PTCHD4: variants seen among roughly 807,000 people sequenced by gnomAD.
PTCHD4 encodes patched domain containing 4, also known as patched domain-containing protein 4.
Under a neutral mutation model 58.1 loss-of-function variants are expected in PTCHD4, and 33 were observed. That is an observed-to-expected ratio of 0.57 (90% CI 0.43 to 0.76). PTCHD4 has a LOEUF of 0.76. Ranked by LOEUF, PTCHD4 falls within the 30% of genes least tolerant of loss-of-function variation. PTCHD4 has a pLI of 0.00. For missense variants in PTCHD4, 1,058 were observed against 1,027.1 expected, an observed-to-expected ratio of 1.03 and a Z score of -0.41; for synonymous variants, 478 against 409.6, an observed-to-expected ratio of 1.17 and a Z score of -2.02.
intron 4 of PTCHD4, among the ~76,000 whole-genome samples, chr6:47,975,702 T>A (rs780184828): frequency 3.0e-4 from 46 of 152,196 alleles, no homozygotes; most frequent in Non-Finnish European, 1.9e-4. Flanking sequence ...CTTTAGTAAA[T>A]CTAGTAATAT....
chr6:48,080,318 C>T (rs1246876957), intron 1 of PTCHD4, among the ~76,000 whole-genome samples: 1 of 152,166 alleles, frequency 6.6e-6, no homozygotes, highest in African/African-American at 2.4e-5. Flanking sequence ...TCACATGCCA[C>T]ATATACTGAC....
At chr6:48,088,922 G>A (rs947163181) in intron 1 of PTCHD4, among the ~76,000 whole-genome samples, 1 of 152,120 alleles carries the variant, frequency 6.6e-6, no homozygotes, top group African/African-American at 2.4e-5. Flanking sequence ...GCGGGCGCCT[G>A]TAATGCAGGT....
chr6:48,042,527 A>G (rs1231983005), intron 3 of PTCHD4, among the ~76,000 whole-genome samples: 1 of 151,956 alleles, frequency 6.6e-6, no homozygotes, highest in Non-Finnish European at 1.5e-5. Context: ...CCTGCTCCCA[A>G]TAAAATAAGT....
In PTCHD4 at chr6:47,862,137, C is replaced by T. The variant is rs1015074093; in HGVS notation, c.*16166G>A. 6.6e-6 allele frequency among the ~76,000 whole-genome samples: 1 copy of T among 151,748 alleles called. No individual in the cohort carries two copies. Among genetic ancestry groups the T allele is most frequent in the African/African-American group, 2.4e-5 (1 of 41,372 alleles). ...TGTGTAACTCTGATTGGAGTTTCAG[C>T]ACTTCTTTATTGTATAGGTATGACC... On this transcript the variant is annotated 3_prime_UTR_variant, in exon 5 of 5. Transcript: ENST00000339488.
intron 3 of PTCHD4, among the ~76,000 whole-genome samples, chr6:48,028,049 C>G (rs1025307802): frequency 6.6e-6 from 1 of 152,026 alleles, no homozygotes; most frequent in South Asian, 2.1e-4. Context: ...TCAAGTGATT[C>G]TCGTGCCTCA....
At chr6:48,044,244 C>T (rs1190965225) in intron 3 of PTCHD4, among the ~76,000 whole-genome samples, 1 of 151,832 alleles carries the variant, frequency 6.6e-6, no homozygotes, top group African/African-American at 2.4e-5. Context: ...TTTGACACAC[C>T]ATGAGGGTAT....
At chr6:48,077,330 C>G (rs1268138845) in intron 1 of PTCHD4, among the ~76,000 whole-genome samples, 4 of 152,236 alleles carry the variant, frequency 2.6e-5, no homozygotes, top group Non-Finnish European at 5.9e-5. Context: ...CTTCTCCTCT[C>G]TAGCTTACAT....
intron 4 of PTCHD4, among the ~76,000 whole-genome samples, chr6:47,991,351 G>C (rs1768274404): frequency 6.6e-6 from 1 of 152,000 alleles, no homozygotes; most frequent in Non-Finnish European, 1.5e-5. Context: ...TATAATAAAG[G>C]AATTTTGTAC....
At chr6:48,012,117 G>A (rs763157167) in intron 3 of PTCHD4, among the ~76,000 whole-genome samples, 12 of 152,178 alleles carry the variant, frequency 7.9e-5, no homozygotes, top group Admixed American at 6.5e-5. Context: ...GAAAGTCAGT[G>A]GTAGCTTGAC....
At chr6:47,907,979 T>C (rs559657551) in intron 4 of PTCHD4, among the ~76,000 whole-genome samples, 1 of 152,190 alleles carries the variant, frequency 6.6e-6, no homozygotes, top group Non-Finnish European at 1.5e-5. Flanking sequence ...TAAACCTTTA[T>C]ATGGGCAAAC....
At chr6:48,055,705 G>T (rs1430351937) in intron 3 of PTCHD4, among the ~76,000 whole-genome samples, 1 of 152,214 alleles carries the variant, frequency 6.6e-6, no homozygotes, top group Non-Finnish European at 1.5e-5. Flanking sequence ...ATAAAAGGGG[G>T]TCATTAAACT....
chr6:48,007,433 G>T (rs1762483364), intron 4 of PTCHD4, among the ~76,000 whole-genome samples: 1 of 152,086 alleles, frequency 6.6e-6, no homozygotes, highest in South Asian at 2.1e-4. Flanking sequence ...CTGACCACAC[G>T]CCTGCATCTT....
At chr6:47,921,865 C>T (rs1440136578) in intron 4 of PTCHD4, among the ~76,000 whole-genome samples, 1 of 150,828 alleles carries the variant, frequency 6.6e-6, no homozygotes, top group East Asian at 2.0e-4. Flanking sequence ...AATTCCAGCA[C>T]TTTGGGAGGC....
chr6:47,942,731 T>G (rs1766280775), intron 4 of PTCHD4, among the ~76,000 whole-genome samples: 1 of 152,224 alleles, frequency 6.6e-6, no homozygotes, highest in Non-Finnish European at 1.5e-5. Flanking sequence ...CAGACATTGC[T>G]CAGTTTTGCA....
chr6:47,959,790 C>T (rs34622892), intron 4 of PTCHD4, among the ~76,000 whole-genome samples: 1 of 151,208 alleles, frequency 6.6e-6, no homozygotes, highest in South Asian at 2.1e-4. Context: ...ATCTGTCCAT[C>T]TAGAATTCTA....
chr6:48,104,081 A>C (rs1389357966), intron 1 of PTCHD4, among the ~76,000 whole-genome samples: 6 of 152,280 alleles, frequency 3.9e-5, no homozygotes, highest in East Asian at 1.9e-4. Context: ...CCAACATTCA[A>C]ATTCGGGAAA....
chr6:47,910,794 T>A (rs999710234), intron 4 of PTCHD4, among the ~76,000 whole-genome samples: 4 of 152,122 alleles, frequency 2.6e-5, no homozygotes, highest in African/African-American at 9.7e-5. Context: ...TGAAAAGCAA[T>A]AACACCCTCG....
At chr6:48,045,110 A>G (rs908176172) in intron 3 of PTCHD4, among the ~76,000 whole-genome samples, 2 of 151,722 alleles carry the variant, frequency 1.3e-5, no homozygotes, top group African/African-American at 4.8e-5. Flanking sequence ...TCATCCCTAC[A>G]TCAATCACAG....
At chr6:47,930,785 G>A (rs1765789470) in intron 4 of PTCHD4, among the ~76,000 whole-genome samples, 1 of 152,038 alleles carries the variant, frequency 6.6e-6, no homozygotes, top group South Asian at 2.1e-4. Context: ...CTCATGAAGT[G>A]TATTTTATTT....
Sources: allele counts gnomAD v4.1 joint callset (sites outside exome capture counted in the v4.1 genomes callset), GRCh38; gene constraint gnomAD v4.1.1; transcripts MANE v1.5; gene names NCBI Gene and HGNC (gene_info 2026-07-23, HGNC 2026-07-21).